Variants in ARHGEF28 observed in about 807,000 individuals in gnomAD.
ARHGEF28 encodes the protein 190 kDa guanine nucleotide exchange factor.
A neutral mutation model predicts 206.6 loss-of-function variants in ARHGEF28; 152 were observed. That is an observed-to-expected ratio of 0.74 (90% CI 0.64 to 0.84). The LOEUF (loss-of-function observed/expected upper bound fraction) is 0.84, where lower values mean the gene tolerates loss of function less well. Ranked by LOEUF, ARHGEF28 falls within the 40% of genes least tolerant of loss-of-function variation. The pLI is 0.00. For synonymous variants in ARHGEF28, 763 were observed against 776.4 expected (o/e 0.98, Z 0.29); for missense variants, 2,028 against 2,073.2 (o/e 0.98, Z 0.42).
At chr5:73,896,191 T>C (rs1295323133) in intron 29 of ARHGEF28, among the ~76,000 whole-genome samples, 1 of 152,168 alleles carries the variant, frequency 6.6e-6, no homozygotes, top group Non-Finnish European at 1.5e-5. Flanking sequence ...AAGACCTCTT[T>C]TTGAGATGAG....
intron 1 of ARHGEF28, among the ~76,000 whole-genome samples, chr5:73,669,314 G>GGA (rs1262537476): frequency 3.3e-5 from 5 of 152,064 alleles, no homozygotes; most frequent in Admixed American, 3.3e-4. Flanking sequence ...CCACCACAAA[G>GGA]GAGAGAAAAC....
intron 4 of ARHGEF28, among the ~76,000 whole-genome samples, chr5:73,756,981 A>G (rs1161573990): frequency 1.3e-5 from 2 of 152,210 alleles, no homozygotes; most frequent in African/African-American, 2.4e-5. Flanking sequence ...TACAATGCAC[A>G]TGTATACTCT....
In ARHGEF28 at chr5:73,676,133, C is replaced by T. The variant is rs182204763; in HGVS notation, c.-11-8708C>T. 7.9e-4 allele frequency among the ~76,000 whole-genome samples: 114 copies of T among 144,382 alleles called. 2 individuals are homozygous for T. The East Asian group carries it at 0.018, about 23-fold the overall frequency. 94.7% of individuals were successfully genotyped at this position (144,382 alleles called of 152,430 possible). A position where few individuals can be genotyped will look rare whatever the true frequency, so the allele number is the denominator to read the frequency against. ...TCACCCAGGCCAGAGTGCAATGGTG[C>T]GATCTCGGTTCACTGCAATCTCCTT... On this transcript the variant is annotated intron_variant, in intron 1 of 35. Coordinates refer to ENST00000513042, the MANE Select transcript of ARHGEF28 (RefSeq NM_001177693.2).
At chr5:73,704,022 T>TAA (rs11386247) in intron 2 of ARHGEF28, among the ~76,000 whole-genome samples, 160 of 144,826 alleles carry the variant, frequency 1.1e-3, no homozygotes, top group African/African-American at 1.2e-3. Flanking sequence ...AGACTCTGTC[T>TAA]AAAAAAAAAA....
chr5:73,666,351 G>T (rs2112202615), intron 1 of ARHGEF28, among the ~76,000 whole-genome samples: 1 of 152,334 alleles, frequency 6.6e-6, no homozygotes, highest in South Asian at 2.1e-4. Context: ...TTGGAGGCTT[G>T]TGCCTGCAGC....
chr5:73,673,080 C>A (rs1024388367), intron 1 of ARHGEF28, among the ~76,000 whole-genome samples: 1 of 152,212 alleles, frequency 6.6e-6, no homozygotes, highest in African/African-American at 2.4e-5. Flanking sequence ...ACCTGCATAA[C>A]TCAGGTAGAT....
At chr5:73,796,476 A>T (rs1754824526) in intron 9 of ARHGEF28, among the ~76,000 whole-genome samples, 1 of 152,238 alleles carries the variant, frequency 6.6e-6, no homozygotes. Context: ...CTACACGTGC[A>T]TGGGGCTCCC....
intron 22 of ARHGEF28, among the ~76,000 whole-genome samples, chr5:73,874,562 T>C (rs1430849842): frequency 2.2e-3 from 155 of 71,712 alleles, no homozygotes; most frequent in Admixed American, 2.8e-3. Context: ...CCCTCCCCCC[T>C]CCCCCCTCCC....
chr5:73,800,363 T>C (rs1561412896), intron 9 of ARHGEF28, among the ~76,000 whole-genome samples: 1 of 152,206 alleles, frequency 6.6e-6, no homozygotes, highest in Non-Finnish European at 1.5e-5. Flanking sequence ...AAAATGTAGA[T>C]CCTATGCACA....
At chr5:73,667,624 C>G (rs1186084705) in intron 1 of ARHGEF28, among the ~76,000 whole-genome samples, 1 of 152,188 alleles carries the variant, frequency 6.6e-6, no homozygotes, top group African/African-American at 2.4e-5. Flanking sequence ...ATTGGCCACA[C>G]CTTTAGTATT....
At chr5:73,888,047 C>T (rs1048054285) in intron 26 of ARHGEF28, among the ~76,000 whole-genome samples, 2 of 152,154 alleles carry the variant, frequency 1.3e-5, no homozygotes, top group African/African-American at 2.4e-5. Context: ...CCCGCCCCTT[C>T]GGCCCCCAAA....
At chr5:73,866,743 C>T (rs1314893483) in intron 18 of ARHGEF28, among the ~76,000 whole-genome samples, 1 of 152,178 alleles carries the variant, frequency 6.6e-6, no homozygotes, top group Non-Finnish European at 1.5e-5. Flanking sequence ...CATACAAGAA[C>T]CAATCACGCC....
intron 1 of ARHGEF28, 108 bp downstream of exon 1, chr5:73,626,430 G>GGGATGCGAGGGTCAGCAGAGGT (rs1743006192): frequency 1.3e-5 from 2 of 152,206 alleles, no homozygotes; most frequent in African/African-American, 4.8e-5. Context: ...AGGGTCCCCA[G>GGGATGCGAGGGTCAGCAGAGGT]GGATGCGAGG....
rs760832880 is a variant in ARHGEF28, at chr5:73,752,977, A to G, written c.250A>G (p.Met84Val). Residue 84 changes from methionine (M) to valine (V), a missense_variant, in exon 4 of 36, where the codon ATG (methionine) becomes GTG (valine). Physicochemically the swap from Met to Val is conservative, Grantham distance 21. Coordinates refer to ENST00000513042, the MANE Select transcript of ARHGEF28 (RefSeq NM_001177693.2). The stretch of plus-strand genomic sequence containing the variant: ...CTCGGAAGGTTACTCTCCGGTGACC[A>G]TGGGCTCTGGCTCAGTGACCTACGT... ...LCSEGYSPVTMGSGSVTYVDN... is the reference protein window; with the variant it reads ...LCSEGYSPVTVGSGSVTYVDN... 71 of 1,613,728 alleles carry G rather than the reference A, an allele frequency of 4.4e-5. No individual in the cohort carries two copies. Among genetic ancestry groups the G allele is most frequent in the African/African-American group, 4.0e-5 (3 of 74,928 alleles).
chr5:73,660,258 A>G (rs963564256), intron 1 of ARHGEF28, among the ~76,000 whole-genome samples: 3 of 152,204 alleles, frequency 2.0e-5, no homozygotes, highest in Non-Finnish European at 2.9e-5. Context: ...CTCATCCATA[A>G]TAAGCAACTC....
chr5:73,848,639 C>A (rs1758515646), intron 12 of ARHGEF28, among the ~76,000 whole-genome samples: 1 of 152,054 alleles, frequency 6.6e-6, no homozygotes. Flanking sequence ...AAATAACTGA[C>A]ACCTCAGGTA....
chr5:73,802,870 C>CTCTCTGTG (rs780935234), intron 9 of ARHGEF28, among the ~76,000 whole-genome samples: 1 of 122,172 alleles, frequency 8.2e-6, no homozygotes, highest in African/African-American at 3.2e-5. Flanking sequence ...AGCTCGATTG[C>CTCTCTGTG]TGTGTGTGTG....
intron 24 of ARHGEF28, 36 bp downstream of exon 24, chr5:73,883,920 C>T (rs929657596): frequency 2.2e-6 from 3 of 1,369,760 alleles, no homozygotes; most frequent in Non-Finnish European, 3.0e-6. Flanking sequence ...ATTTGCCCCT[C>T]TTATTAGTTT....
In ARHGEF28 at chr5:73,885,869, A is replaced by G. The variant is rs1444249136; in HGVS notation, c.3075A>G (p.Lys1025=). ...ACGCAGAAAGAACTGAGGAACATAA[A>G]GACTTACGCAAAGCGCTTTGCTTAA... ...QYTKERTEEH[K]DLRKALCLIK... is the part of the protein sequence containing the mutation. The change falls in exon 25 of 36, where the codon AAA becomes AAG. Residue 1025 remains lysine, a synonymous_variant. Transcript: ENST00000513042. 3.1e-6 allele frequency: 5 copies of G among 1,610,802 alleles called. No individual in the cohort carries two copies. The Admixed American group carries it at 6.7e-5, about 22-fold the overall frequency.
Sources: allele counts gnomAD v4.1 joint callset (sites outside exome capture counted in the v4.1 genomes callset), GRCh38; gene constraint gnomAD v4.1.1; transcripts MANE v1.5; gene names NCBI Gene and HGNC (gene_info 2026-07-23, HGNC 2026-07-21).